Variants in PAPPA observed in about 807,000 individuals in gnomAD.
PAPPA encodes the protein pappalysin 1.
Under a neutral mutation model 164.0 loss-of-function variants are expected in PAPPA, and 60 were observed. That is an observed-to-expected ratio of 0.37 (90% CI 0.30 to 0.45). The LOEUF (loss-of-function observed/expected upper bound fraction) is 0.45, where lower values mean the gene tolerates loss of function less well. Ranked by LOEUF, PAPPA falls within the 20% of genes least tolerant of loss-of-function variation. PAPPA has a pLI of 1.00. For synonymous variants in PAPPA, 875 were observed against 814.1 expected, an observed-to-expected ratio of 1.07 and a Z score of -1.27; for missense variants, 1,782 against 2,087.3, an observed-to-expected ratio of 0.85 and a Z score of 2.85.
At chr9:116,302,162 C>A (rs546409709) in intron 9 of PAPPA, among the ~76,000 whole-genome samples, 1 of 152,182 alleles carries the variant, frequency 6.6e-6, no homozygotes, top group African/African-American at 2.4e-5. Context: ...ATATCTTCCA[C>A]ATGAAGTTTT....
At chr9:116,175,782 G>A (rs368711811) in intron 1 of PAPPA, among the ~76,000 whole-genome samples, 7 of 152,092 alleles carry the variant, frequency 4.6e-5, no homozygotes, top group Non-Finnish European at 8.8e-5. Context: ...GCTTACAGTC[G>A]AGTGGGGGAG....
intron 5 of PAPPA, among the ~76,000 whole-genome samples, chr9:116,222,289 G>T (rs1226618511): frequency 1.3e-5 from 2 of 152,148 alleles, no homozygotes; most frequent in Admixed American, 1.3e-4. Flanking sequence ...ACGATAATTT[G>T]ACTTCCACTT....
chr9:116,364,422 TAAAC>T (rs1180919144), intron 18 of PAPPA, among the ~76,000 whole-genome samples: 1 of 152,160 alleles, frequency 6.6e-6, no homozygotes, highest in Non-Finnish European at 1.5e-5. Context: ...AAATGCTTCA[TAAAC>T]AAACAGCCCC....
chr9:116,196,551 C>T (rs1351331344), intron 2 of PAPPA, among the ~76,000 whole-genome samples: 1 of 152,196 alleles, frequency 6.6e-6, no homozygotes, highest in Non-Finnish European at 1.5e-5. Context: ...GGTTACAGCT[C>T]AGCTTGTTGC....
chr9:116,276,321 A>G (rs1845197778), intron 9 of PAPPA, among the ~76,000 whole-genome samples: 1 of 152,228 alleles, frequency 6.6e-6, no homozygotes, highest in African/African-American at 2.4e-5. Flanking sequence ...TGGTGCTGGA[A>G]ATGTGTTACC....
At chr9:116,251,649 C>T (rs1238224062) in intron 7 of PAPPA, among the ~76,000 whole-genome samples, 1 of 152,222 alleles carries the variant, frequency 6.6e-6, no homozygotes, top group African/African-American at 2.4e-5. Flanking sequence ...GGTGTTTTGG[C>T]TCCCAGAGTC....
chr9:116,379,590 CTAAA>C (rs1262099345), intron 20 of PAPPA, among the ~76,000 whole-genome samples: 19 of 145,720 alleles, frequency 1.3e-4, no homozygotes, highest in African/African-American at 3.8e-4. Context: ...CATCGTTTTA[CTAAA>C]TAAACATTTA....
At position 116,333,425 on chromosome 9, in the gene PAPPA, G is replaced by A. The variant is rs538252013; in HGVS notation, c.3397+957G>A. 2.6e-5 allele frequency among the ~76,000 whole-genome samples: 4 copies of A among 152,146 alleles called. No individual in the cohort carries two copies. In the South Asian group the frequency reaches 8.3e-4, roughly 32 times the overall value. Reference sequence around the variant, plus strand: ...TTCCAGTCTACCCTGGAGAGCTCTGGGCAGCCTGGATACTCCAAGTATTTG... The same window carrying A: ...TTCCAGTCTACCCTGGAGAGCTCTGAGCAGCCTGGATACTCCAAGTATTTG... On this transcript the variant is annotated intron_variant, in intron 12 of 21. Coordinates refer to ENST00000328252, the MANE Select transcript of PAPPA (RefSeq NM_002581.5).
At position 116,278,197 on chromosome 9, in the gene PAPPA, T is replaced by C. The variant is rs149153767; in HGVS notation, c.2953+6781T>C. Among the ~76,000 whole-genome samples, 3 of 152,376 alleles carry C rather than the reference T, an allele frequency of 2.0e-5. No homozygotes were observed. The East Asian group carries it at 5.8e-4, about 29-fold the overall frequency. Reference sequence around the variant, plus strand: ...AGATACCCAGCTGTGCCAGTTTTTCTGCTAAGAACTCTTTGTAAAAATGAT... The same window carrying C: ...AGATACCCAGCTGTGCCAGTTTTTCCGCTAAGAACTCTTTGTAAAAATGAT... On this transcript the variant is annotated intron_variant, in intron 9 of 21. Transcript: ENST00000328252.
At chr9:116,394,709 A>C (rs1846939220) in intron 21 of PAPPA, among the ~76,000 whole-genome samples, 1 of 152,246 alleles carries the variant, frequency 6.6e-6, no homozygotes, top group Non-Finnish European at 1.5e-5. Context: ...TAAATGTCCT[A>C]AACAGAGAAC....
In PAPPA at chr9:116,398,823, A is replaced by C. The variant is rs775343217; in HGVS notation, c.*2207A>C. 12 of 382,558 alleles carry C rather than the reference A, an allele frequency of 3.1e-5. No homozygotes were observed. Among genetic ancestry groups the C allele is most frequent in the Non-Finnish European group, 5.2e-5 (10 of 194,130 alleles). 23.7% of individuals were successfully genotyped at this position (382,558 alleles called of 1,614,324 possible). ...CCATTACTTCACTATAATTACAAGGACAAATTATTAGCAAGAAATAAGAAT... is the reference window on the plus strand; with the variant it reads ...CCATTACTTCACTATAATTACAAGGCCAAATTATTAGCAAGAAATAAGAAT... On this transcript the variant is annotated 3_prime_UTR_variant, in exon 22 of 22. Transcript: ENST00000328252.
chr9:116,277,169 C>G (rs1157831186), intron 9 of PAPPA, among the ~76,000 whole-genome samples: 1 of 152,046 alleles, frequency 6.6e-6, no homozygotes, highest in Non-Finnish European at 1.5e-5. Context: ...ATCCACCTCT[C>G]ACCTTAAAAA....
At chr9:116,189,780 C>T (rs1844019784) in intron 2 of PAPPA, among the ~76,000 whole-genome samples, 1 of 152,200 alleles carries the variant, frequency 6.6e-6, no homozygotes, top group African/African-American at 2.4e-5. Context: ...CCGACCTCTG[C>T]AGGTTTTCTG....
chr9:116,224,088 C>T (rs1023430576), intron 5 of PAPPA, among the ~76,000 whole-genome samples: 1 of 152,184 alleles, frequency 6.6e-6, no homozygotes, highest in African/African-American at 2.4e-5. Flanking sequence ...ATGCCAACCT[C>T]TCGCCCCTGG....
chr9:116,370,977 C>G (rs918007269), intron 19 of PAPPA, among the ~76,000 whole-genome samples: 3 of 152,146 alleles, frequency 2.0e-5, no homozygotes, highest in Non-Finnish European at 4.4e-5. Flanking sequence ...TGTCCTGGAG[C>G]AAATCCTGTC....
rs763443519 is a variant in PAPPA, at chr9:116,207,571, C to G, written c.1594C>G (p.Pro532Ala). 3 of 1,613,430 alleles carry G rather than the reference C, an allele frequency of 1.9e-6. No homozygotes were observed. Among genetic ancestry groups the G allele is most frequent in the Non-Finnish European group, 2.5e-6 (3 of 1,179,620 alleles). ...EEELAGVATW[P>A]WDKEALMHLG... Reference sequence around the variant, plus strand: ...GGAGTTGGCAGGAGTAGCAACTTGGCCATGGGACAAGGAGGCCCTGATGCA... The same window carrying G: ...GGAGTTGGCAGGAGTAGCAACTTGGGCATGGGACAAGGAGGCCCTGATGCA... The change falls in exon 3 of 22, where the codon CCA becomes GCA. Residue 532 changes from proline to alanine, a missense_variant. By Grantham distance (27) the Pro-to-Ala change is conservative. Transcript: ENST00000328252.
intron 7 of PAPPA, among the ~76,000 whole-genome samples, chr9:116,264,698 G>A (rs1393480778): frequency 6.6e-6 from 1 of 152,116 alleles, no homozygotes; most frequent in African/African-American, 2.4e-5. Context: ...GAATCTGACA[G>A]GAATTCTCTT....
chr9:116,187,353 G>A lies in PAPPA; in HGVS notation c.615G>A (p.Gly205=), dbSNP rs751365919. Residue 205 remains glycine (G), a synonymous_variant, in exon 2 of 22, where the codon GGG becomes GGA. Transcript: ENST00000328252. The surrounding 1 kb of genome is among the most constrained non-coding windows in gnomAD (Gnocchi z 4.2). The part of the protein sequence containing the change: ...QWVYLAATYD[G]QFMKLYVNGA... ...TATACCTAGCTGCCACCTATGATGG[G>A]CAGTTCATGAAGCTCTATGTGAATG... 6.2e-7 allele frequency: 1 copy of A among 1,614,144 alleles called. No homozygotes were observed. Among genetic ancestry groups the A allele is most frequent in the South Asian group, 1.1e-5 (1 of 91,080 alleles).
At chr9:116,278,762 G>C (rs926506157) in intron 9 of PAPPA, among the ~76,000 whole-genome samples, 1 of 151,842 alleles carries the variant, frequency 6.6e-6, no homozygotes, top group Non-Finnish European at 1.5e-5. Flanking sequence ...TTACTACATG[G>C]GTCTTTTTAG....
Sources: allele counts gnomAD v4.1 joint callset (sites outside exome capture counted in the v4.1 genomes callset), GRCh38; gene constraint gnomAD v4.1.1; non-coding constraint Gnocchi (gnomAD v3.1); transcripts MANE v1.5; gene names NCBI Gene and HGNC (gene_info 2026-07-23, HGNC 2026-07-21).